The following MGAT5 variants were observed in gnomAD, a reference collection of about 807,000 sequenced individuals.
MGAT5 encodes alpha-1,6-mannosylglycoprotein 6-beta-N-acetylglucosaminyltransferase.
Under a neutral mutation model 94.3 loss-of-function variants are expected in MGAT5, and 30 were observed. The ratio of observed to expected loss-of-function variants is 0.32; its 90% confidence interval spans 0.24 to 0.43. The LOEUF is 0.43. MGAT5 is among the 20% of genes least tolerant of loss of function. The probability of loss-of-function intolerance (pLI) is 1.00; values close to 1 mark genes in which losing one functional copy is unlikely to be tolerated. For synonymous variants in MGAT5, 310 were observed against 322.9 expected (o/e 0.96, Z 0.43); for missense variants, 691 against 905.5 (o/e 0.76, Z 3.04).
intron 4 of MGAT5, among the ~76,000 whole-genome samples, chr2:134,333,075 C>G (rs1368697422): frequency 6.6e-6 from 1 of 152,066 alleles, no homozygotes; most frequent in Non-Finnish European, 1.5e-5. Flanking sequence ...CCCAGCCATC[C>G]CATTACTGGG....
At chr2:134,182,278 A>C (rs1424359013) in intron 1 of MGAT5, among the ~76,000 whole-genome samples, 1 of 152,226 alleles carries the variant, frequency 6.6e-6, no homozygotes, top group African/African-American at 2.4e-5. Flanking sequence ...GTTGTCATCT[A>C]TGATAGCTAT....
At chr2:134,297,618 G>C (rs1685754787) in intron 2 of MGAT5, among the ~76,000 whole-genome samples, 1 of 152,068 alleles carries the variant, frequency 6.6e-6, no homozygotes, top group East Asian at 1.9e-4. Flanking sequence ...CTCCATAATA[G>C]AACAAAGGTC....
intron 10 of MGAT5, 66 bp downstream of exon 10, chr2:134,362,474 G>C: frequency 1.3e-6 from 2 of 1,573,510 alleles, no homozygotes; most frequent in East Asian, 2.2e-5. Flanking sequence ...ATTTAACTTT[G>C]ATCCAGGGAA....
At chr2:134,426,978 A>G (rs1210966003) in intron 13 of MGAT5, among the ~76,000 whole-genome samples, 2 of 152,158 alleles carry the variant, frequency 1.3e-5, no homozygotes, top group Admixed American at 1.3e-4. Flanking sequence ...ACTGTGGCCC[A>G]CATTTGTGCA....
intron 11 of MGAT5, among the ~76,000 whole-genome samples, chr2:134,412,559 T>G (rs1392528717): frequency 2.0e-5 from 3 of 152,006 alleles, no homozygotes; most frequent in African/African-American, 4.8e-5. Context: ...TGGTGGTGGT[T>G]GTTTTTCTTT....
intron 1 of MGAT5, among the ~76,000 whole-genome samples, chr2:134,159,312 T>G (rs1015316315): frequency 5.3e-5 from 8 of 152,028 alleles, no homozygotes; most frequent in Non-Finnish European, 1.0e-4. Context: ...TCTTTTTTTT[T>G]CTTCCCTTCT....
chr2:134,161,877 G>T (rs1049004118), intron 1 of MGAT5, among the ~76,000 whole-genome samples: 8 of 152,038 alleles, frequency 5.3e-5, no homozygotes, highest in Non-Finnish European at 1.5e-5. Context: ...TTGGAGATTG[G>T]TGAAGTGATA....
chr2:134,166,131 C>G (rs1687955290), intron 1 of MGAT5, among the ~76,000 whole-genome samples: 1 of 152,094 alleles, frequency 6.6e-6, no homozygotes, highest in East Asian at 1.9e-4. Context: ...CCTTCATAGC[C>G]TCTGATGAGG....
chr2:134,244,298 G>A (rs1036097128), intron 1 of MGAT5, among the ~76,000 whole-genome samples: 6 of 147,590 alleles, frequency 4.1e-5, no homozygotes, highest in Admixed American at 6.6e-5. Context: ...CAATCCTAGC[G>A]TTTTTTGTTT....
chr2:134,377,780 C>T (rs1681277010), intron 10 of MGAT5, among the ~76,000 whole-genome samples: 1 of 152,148 alleles, frequency 6.6e-6, no homozygotes, highest in Admixed American at 6.5e-5. Flanking sequence ...ATGTTGAGTA[C>T]TTTTTCCTCA....
intron 5 of MGAT5, among the ~76,000 whole-genome samples, chr2:134,337,287 CA>C (rs766922066): frequency 3.0e-4 from 46 of 152,246 alleles, no homozygotes; most frequent in Non-Finnish European, 5.7e-4. Context: ...CCAGCCTGGG[CA>C]ATACAGCAGG....
At position 134,268,542 on chromosome 2, in the gene MGAT5, G is replaced by A. The variant is rs1328875155; in HGVS notation, c.242-1844G>A. On this transcript the variant is annotated intron_variant, in intron 1 of 15. Coordinates refer to ENST00000281923, the MANE Select transcript of MGAT5 (RefSeq NM_002410.5). This position sits in a 1 kb window ranked among gnomAD's most constrained non-coding sequence, Gnocchi z 4.1. Reference sequence around the variant, plus strand: ...TGACAAACTGAGTCATGCTGACCGTGGGACTGCAGACCGCAGAGGAGAGTG... The same window carrying A: ...TGACAAACTGAGTCATGCTGACCGTAGGACTGCAGACCGCAGAGGAGAGTG... Among the ~76,000 whole-genome samples the A allele has an allele frequency of 6.6e-6, 1 of 152,144 alleles. No individual in the cohort carries two copies. Among genetic ancestry groups the A allele is most frequent in the African/African-American group, 2.4e-5 (1 of 41,426 alleles).
chr2:134,347,458 A>G lies in MGAT5; in HGVS notation c.1113-2347A>G, dbSNP rs368597769. On this transcript the variant is annotated intron_variant, in intron 8 of 15. Transcript: ENST00000281923. ...CATCAGGATTTGTTTTAATTGCCCA[A>G]ATCAAAAATAACAATAATAAAACTT... Among the ~76,000 whole-genome samples, 3 of 152,184 alleles carry G rather than the reference A, an allele frequency of 2.0e-5. No individual in the cohort carries two copies. The East Asian group carries it at 5.8e-4, about 29-fold the overall frequency.
At chr2:134,144,399 A>G (rs943754288) in intron 1 of MGAT5, among the ~76,000 whole-genome samples, 2 of 152,112 alleles carry the variant, frequency 1.3e-5, no homozygotes, top group African/African-American at 4.8e-5. Flanking sequence ...ATATCTCACA[A>G]TAACTTACTC....
In MGAT5 at chr2:134,448,211, G is replaced by T. The variant is rs540281797; in HGVS notation, c.2028-438G>T. ...TTCACCTCCCGTGTGCACACTGCGG[G>T]CTGGTTCCCCTGTGCTTCCCATTCT... On this transcript the variant is annotated intron_variant, in intron 15 of 15. Coordinates refer to ENST00000281923, the MANE Select transcript of MGAT5 (RefSeq NM_002410.5). Among the ~76,000 whole-genome samples, 29 of 152,336 alleles carry T rather than the reference G, an allele frequency of 1.9e-4. 1 individual carries two copies. In the South Asian group the frequency reaches 5.8e-3, roughly 30 times the overall value.
chr2:134,322,652 AAAATCCTGGACAATATCTGTGGCTTT>A (rs1476201255), intron 4 of MGAT5, among the ~76,000 whole-genome samples: 1 of 152,152 alleles, frequency 6.6e-6, no homozygotes, highest in East Asian at 1.9e-4. Flanking sequence ...TAGTATTTTT[AAAATCCTGGACAATATCTGTGGCTTT>A]GTAGGAGCTG....
At chr2:134,163,999 G>C (rs1005945189) in intron 1 of MGAT5, among the ~76,000 whole-genome samples, 7 of 152,214 alleles carry the variant, frequency 4.6e-5, no homozygotes, top group Admixed American at 6.5e-5. Context: ...ACAACAGAGA[G>C]AGAAGAAATG....
intron 9 of MGAT5, among the ~76,000 whole-genome samples, chr2:134,354,313 G>A (rs1268750246): frequency 1.3e-5 from 2 of 152,108 alleles, no homozygotes; most frequent in Non-Finnish European, 2.9e-5. Flanking sequence ...TATACTTGAG[G>A]AACAAAGTCT....
chr2:134,382,838 G>C (rs1425908051), intron 10 of MGAT5, among the ~76,000 whole-genome samples: 2 of 152,234 alleles, frequency 1.3e-5, no homozygotes, highest in Non-Finnish European at 2.9e-5. Context: ...AGCTTGAGCT[G>C]TGTGCACATC....
Sources: allele counts gnomAD v4.1 joint callset (sites outside exome capture counted in the v4.1 genomes callset), GRCh38; gene constraint gnomAD v4.1.1; non-coding constraint Gnocchi (gnomAD v3.1); transcripts MANE v1.5; gene names NCBI Gene and HGNC (gene_info 2026-07-23, HGNC 2026-07-21).